Variants in EHMT1 observed in about 807,000 individuals in gnomAD.
EHMT1 encodes the protein histone-lysine N-methyltransferase EHMT1.
EHMT1 carries 15 observed loss-of-function variants against 147.2 expected under a neutral mutation model. The observed-to-expected ratio is 0.10, with a 90% confidence interval of 0.07 to 0.16. The LOEUF is 0.16. Among genes scored for constraint, EHMT1 ranks in the 10% least tolerant of loss-of-function variants. EHMT1 has a pLI of 1.00. For synonymous variants in EHMT1, 795 were observed against 709.6 expected (o/e 1.12, Z -1.91); for missense variants, 1,587 against 1,772.4 (o/e 0.90, Z 1.88).
chr9:137,817,285 C>T (rs888545916), intron 23 of EHMT1, 154 bp from the exon 24 acceptor site: 10 of 818,884 alleles, frequency 1.2e-5, no homozygotes, highest in East Asian at 8.0e-5. Flanking sequence ...TGCGAGATGC[C>T]GTGTCTGTGA....
intron 1 of EHMT1, among the ~76,000 whole-genome samples, chr9:137,705,225 T>G (rs946052242): frequency 5.9e-5 from 9 of 152,096 alleles, no homozygotes; most frequent in Non-Finnish European, 1.0e-4. Flanking sequence ...ACTCCTGAGC[T>G]CAAGCAGTCC....
rs955781922 is a variant in EHMT1 at position 137,758,075 on chromosome 9, C to T, written c.1501+64C>T. The stretch of plus-strand genomic sequence containing the variant: ...GGTCCTTTGTCTTCTGGGCTCCTTC[C>T]TCTGTATTAGCATGATGCCCCTTGG... On this transcript the variant is annotated intron_variant, in intron 9 of 26. Coordinates refer to ENST00000460843, the MANE Select transcript of EHMT1 (RefSeq NM_024757.5). The T allele has an allele frequency of 5.6e-6, 9 of 1,608,304 alleles. No individual in the cohort carries two copies. The Admixed American group carries it at 1.2e-4, about 21-fold the overall frequency.
chr9:137,711,643 G>A (rs563382497), intron 2 of EHMT1, among the ~76,000 whole-genome samples: 269 of 152,278 alleles, frequency 1.8e-3, no homozygotes, highest in Non-Finnish European at 3.3e-3. Context: ...GAGTTGGGGC[G>A]AGGGGAGTCG....
intron 2 of EHMT1, among the ~76,000 whole-genome samples, chr9:137,712,290 T>C (rs117666320): frequency 0.038 from 5,738 of 152,306 alleles, 141 homozygotes; most frequent in Middle Eastern, 0.095. Flanking sequence ...CCCCAGGTTA[T>C]TCCATTACGC....
chr9:137,800,434 G>A (rs1953366530), intron 17 of EHMT1: 1 of 224,002 alleles, frequency 4.5e-6, no homozygotes, highest in Admixed American at 5.2e-5. Flanking sequence ...GCCACCATTG[G>A]AGGCTGAAGG....
intron 9 of EHMT1, among the ~76,000 whole-genome samples, chr9:137,761,599 A>G (rs1006432245): frequency 2.0e-5 from 3 of 151,644 alleles, no homozygotes; most frequent in African/African-American, 7.3e-5. Flanking sequence ...GATTACAGGC[A>G]TGTGCCCCAT....
chr9:137,795,280 C>G (rs1289589075), intron 16 of EHMT1: 3 of 152,092 alleles, frequency 2.0e-5, no homozygotes, highest in Non-Finnish European at 4.4e-5. Flanking sequence ...TTAATACAAA[C>G]AAGATAAATA....
intron 1 of EHMT1, among the ~76,000 whole-genome samples, chr9:137,671,520 C>CTTTTTTTTTT (rs71493689): frequency 3.2e-4 from 34 of 105,268 alleles, no homozygotes; most frequent in Non-Finnish European, 3.9e-4. Flanking sequence ...CCTTTTCTTT[C>CTTTTTTTTTT]TTTTTTTTTT....
Position 137,716,819 on chromosome 9 carries a change from A to G in EHMT1, c.279A>G (p.Glu93=). The change falls in exon 3 of 27, where the codon GAA becomes GAG. Residue 93 remains glutamate, a synonymous_variant. Transcript: ENST00000460843. ...DGTNTLTRIA[E]NGVSERDSEA... ...CCAACACACTAACTCGGATAGCGGA[A>G]AATGGGGTTTCAGAAAGAGACTCAG... is the stretch of plus-strand genomic sequence containing the variant. 6.2e-7 allele frequency: 1 copy of G among 1,613,318 alleles called. No homozygotes were observed. Among genetic ancestry groups the G allele is most frequent in the Non-Finnish European group, 8.5e-7 (1 of 1,179,882 alleles).
At chr9:137,826,146 G>C (rs867571959) in intron 25 of EHMT1, among the ~76,000 whole-genome samples, 43 of 139,956 alleles carry the variant, frequency 3.1e-4, no homozygotes, top group Middle Eastern at 7.1e-3. Flanking sequence ...GGGTCCATAG[G>C]GGGTGGGTGG....
rs917159948 is a variant in EHMT1, at chr9:137,708,936, C to T, written c.22-2031C>T. 3.3e-5 allele frequency among the ~76,000 whole-genome samples: 5 copies of T among 152,328 alleles called. No individual in the cohort carries two copies. In the South Asian group the frequency reaches 8.3e-4, roughly 25 times the overall value. ...CCACTGTGCCTGGCCTGCTGCCTGC[C>T]CCCTTCCTCTGATGTGGAACGCTGG... On this transcript the variant is annotated intron_variant, in intron 1 of 26. Coordinates refer to ENST00000460843, the MANE Select transcript of EHMT1 (RefSeq NM_024757.5).
At position 137,668,617 on chromosome 9, in the gene EHMT1, TCC is replaced by T. The variant is rs1939979557; in HGVS notation, c.22-42346_22-42345del. On this transcript the variant is annotated intron_variant, in intron 1 of 26. Coordinates refer to ENST00000460843, the MANE Select transcript of EHMT1 (RefSeq NM_024757.5). ...ATACCATTAGCAGTTCCTTCCCGTG[TCC>T]CCCACTCCCCCAACCCAGTCCCTGG... Among the ~76,000 whole-genome samples, 3 of 152,144 alleles carry T rather than the reference TCC, an allele frequency of 2.0e-5. No homozygotes were observed. In the South Asian group the frequency reaches 6.2e-4, roughly 31 times the overall value.
At chr9:137,741,009 C>T (rs1341280562) in intron 4 of EHMT1, among the ~76,000 whole-genome samples, 11 of 150,000 alleles carry the variant, frequency 7.3e-5, no homozygotes, top group Non-Finnish European at 1.2e-4. Flanking sequence ...CAGAGTCTCG[C>T]TGTGTTGCCC....
At chr9:137,723,814 G>C (rs1946328739) in intron 3 of EHMT1, among the ~76,000 whole-genome samples, 1 of 152,210 alleles carries the variant, frequency 6.6e-6, no homozygotes, top group African/African-American at 2.4e-5. Context: ...TCTCATAAAA[G>C]TTTAAACATG....
At chr9:137,742,483 C>T (rs1198911330) in intron 4 of EHMT1, among the ~76,000 whole-genome samples, 1 of 152,116 alleles carries the variant, frequency 6.6e-6, no homozygotes, top group Non-Finnish European at 1.5e-5. Flanking sequence ...TTCCCCATCC[C>T]TTTAGGAGAG....
chr9:137,784,528 A>G, intron 15 of EHMT1: 1 of 685,214 alleles, frequency 1.5e-6, no homozygotes, highest in South Asian at 6.5e-5. Flanking sequence ...GCGTCTTTTG[A>G]ATTGGTTTTA....
At chr9:137,832,207 T>A (rs1212022738) in intron 25 of EHMT1, among the ~76,000 whole-genome samples, 1 of 141,516 alleles carries the variant, frequency 7.1e-6, no homozygotes, top group African/African-American at 2.7e-5. Context: ...AGGCCCCACC[T>A]CCTACATGGC....
Position 137,787,886 on chromosome 9 carries a change from C to T in EHMT1, c.2383-2962C>T, listed in dbSNP as rs928184808. On this transcript the variant is annotated intron_variant, in intron 15 of 26. Transcript: ENST00000460843. This position sits in a 1 kb window ranked among gnomAD's most constrained non-coding sequence, Gnocchi z 4.2. Reference sequence around the variant, plus strand: ...AGGAGGTGGGTGGGGGTGCCAAGGGCATTACCACATTGGGAGTGTAGATTG... The same window carrying T: ...AGGAGGTGGGTGGGGGTGCCAAGGGTATTACCACATTGGGAGTGTAGATTG... The T allele has an allele frequency of 5.5e-5, 73 of 1,327,332 alleles. No individual in the cohort carries two copies. Among genetic ancestry groups the T allele is most frequent in the Non-Finnish European group, 9.8e-6 (9 of 922,766 alleles). The allele number at this position is 1,327,332 out of a possible 1,614,324, so 82.2% of individuals were successfully genotyped here.
chr9:137,827,431 C>G (rs1458575603), intron 25 of EHMT1, among the ~76,000 whole-genome samples: 3 of 152,226 alleles, frequency 2.0e-5, no homozygotes, highest in African/African-American at 4.8e-5. Flanking sequence ...TGCTACAGCT[C>G]TGACCCACGC....
Sources: gnomAD v4.1 joint callset for allele counts (sites outside exome capture counted in the v4.1 genomes callset) on GRCh38, gnomAD v4.1.1 for gene constraint, Gnocchi (gnomAD v3.1) non-coding constraint, MANE v1.5 for transcripts, NCBI Gene and HGNC (gene_info 2026-07-23, HGNC 2026-07-21) for gene names.